USP47: variants seen among roughly 807,000 people sequenced by gnomAD.
USP47 encodes the protein ubiquitin carboxyl-terminal hydrolase 47.
USP47 carries 35 observed loss-of-function variants against 165.1 expected under a neutral mutation model. The observed-to-expected ratio is 0.21, with a 90% CI of 0.16 to 0.28. USP47 has a LOEUF of 0.28. USP47 is among the 10% of genes least tolerant of loss of function. The probability of loss-of-function intolerance (pLI) is 1.00; values close to 1 mark genes in which losing one functional copy is unlikely to be tolerated. For missense variants in USP47, 1,277 were observed against 1,607.4 expected (o/e 0.79, Z 3.52); for synonymous variants, 531 against 544.5 (o/e 0.98, Z 0.35).
chr11:11,854,172 G>T (rs376338366), intron 1 of USP47, among the ~76,000 whole-genome samples: 1 of 144,330 alleles, frequency 6.9e-6, no homozygotes. Flanking sequence ...AACCAGCAAA[G>T]TCCAGCCTGA....
intron 1 of USP47, among the ~76,000 whole-genome samples, chr11:11,876,957 C>G (rs1198760966): frequency 4.6e-5 from 7 of 152,098 alleles, no homozygotes; most frequent in Non-Finnish European, 1.0e-4. Flanking sequence ...TAATCCACCT[C>G]AAGACGTAAT....
chr11:11,903,130 T>G, intron 6 of USP47, 133 bp from the exon 7 acceptor site: 2 of 878,478 alleles, frequency 2.3e-6, no homozygotes, highest in Non-Finnish European at 3.4e-6. Flanking sequence ...TCATGTATAT[T>G]CTTATGTTCT....
intron 4 of USP47, among the ~76,000 whole-genome samples, chr11:11,897,069 T>C (rs577325064): frequency 3.1e-4 from 46 of 150,136 alleles, no homozygotes; most frequent in Non-Finnish European, 4.4e-4. Flanking sequence ...CTTTTGTGAG[T>C]TTGCATGTAG....
At chr11:11,928,173 A>G (rs767293856) in intron 11 of USP47, among the ~76,000 whole-genome samples, 3 of 152,056 alleles carry the variant, frequency 2.0e-5, no homozygotes, top group Admixed American at 6.6e-5. Flanking sequence ...TAAGATATTC[A>G]TATCATTCAG....
At position 11,958,432 on chromosome 11, in the gene USP47, A is replaced by T. The variant is rs925323590; in HGVS notation, c.*2257A>T. ...CACTTTAATAATTTCAATAAAAGCT[A>T]ATCTGTGTCAGCCTCCCTCTGCTTC... On this transcript the variant is annotated 3_prime_UTR_variant, in exon 28 of 28. Transcript: ENST00000527733. 1 of 152,250 alleles carries T rather than the reference A, an allele frequency of 6.6e-6. No homozygotes were observed. The highest frequency in any genetic ancestry group is 2.4e-5 in the African/African-American group (1 of 41,464). 9.4% of individuals were successfully genotyped at this position (152,250 alleles called of 1,614,324 possible).
intron 14 of USP47, among the ~76,000 whole-genome samples, chr11:11,931,898 A>G (rs574246185): frequency 8.4e-4 from 128 of 152,316 alleles, no homozygotes; most frequent in African/African-American, 3.0e-3. Context: ...ATGTGAGTCT[A>G]TAGTAATGAT....
At chr11:11,864,361 A>T (rs1004562176) in intron 1 of USP47, among the ~76,000 whole-genome samples, 2 of 152,142 alleles carry the variant, frequency 1.3e-5, no homozygotes, top group East Asian at 1.9e-4. Flanking sequence ...TTATTTTTTT[A>T]AATTGTAAAA....
rs79989411 is a variant in USP47 at position 11,929,973 on chromosome 11, T to A, written c.1519-71T>A. The A allele has an allele frequency of 8.9e-4, 1,084 of 1,214,090 alleles. 10 individuals are homozygous for A. The African/African-American group carries it at 0.014, about 15-fold the overall frequency. The allele number at this position is 1,214,090 out of a possible 1,614,324, so 75.2% of individuals were successfully genotyped here. A position where few individuals can be genotyped will look rare whatever the true frequency, so the allele number is the denominator to read the frequency against. On this transcript the variant is annotated intron_variant, in intron 12 of 27. Coordinates refer to ENST00000527733, the MANE Select transcript of USP47 (RefSeq NM_001282659.2). ...AGCATTTAACTCTGAGGCTAAAGAT[T>A]GAGTTACATATTGACGTTAATGTGA...
intron 8 of USP47, among the ~76,000 whole-genome samples, chr11:11,913,583 G>A (rs78450015): frequency 0.032 from 4,891 of 152,060 alleles, 261 homozygotes; most frequent in African/African-American, 0.11. Flanking sequence ...AAGGTAGAGA[G>A]TAGAATGGTA....
At chr11:11,874,693 G>A (rs528952936) in intron 1 of USP47, among the ~76,000 whole-genome samples, 1 of 152,006 alleles carries the variant, frequency 6.6e-6, no homozygotes, top group Admixed American at 6.6e-5. Flanking sequence ...CGGAGTAGCT[G>A]GGATTACAGG....
intron 1 of USP47, among the ~76,000 whole-genome samples, chr11:11,855,496 G>A (rs1223384301): frequency 6.6e-6 from 1 of 152,148 alleles, no homozygotes; most frequent in African/African-American, 2.4e-5. Flanking sequence ...ATTAAATAAA[G>A]TGACTTTCTA....
chr11:11,892,792 GTGAT>G (rs1564867773), intron 4 of USP47, among the ~76,000 whole-genome samples: 3 of 144,460 alleles, frequency 2.1e-5, no homozygotes, highest in African/African-American at 7.8e-5. Context: ...CTCAGCTTGG[GTGAT>G]TGATTGAGAC....
chr11:11,923,745 T>G (rs1278129521), intron 11 of USP47, among the ~76,000 whole-genome samples: 1 of 152,238 alleles, frequency 6.6e-6, no homozygotes, highest in Non-Finnish European at 1.5e-5. Flanking sequence ...CCAAGGCCAT[T>G]CTTCTAATTA....
intron 18 of USP47, among the ~76,000 whole-genome samples, chr11:11,938,686 A>G (rs1855251130): frequency 2.0e-5 from 3 of 152,032 alleles, no homozygotes; most frequent in African/African-American, 4.8e-5. Flanking sequence ...TTTTTGGCGT[A>G]GGCAATAAGT....
intron 1 of USP47, among the ~76,000 whole-genome samples, chr11:11,846,674 T>G (rs1399537153): frequency 2.0e-5 from 3 of 152,170 alleles, no homozygotes; most frequent in African/African-American, 7.2e-5. Flanking sequence ...CATTTGAGCT[T>G]CACAGCAACC....
intron 1 of USP47, among the ~76,000 whole-genome samples, chr11:11,855,814 T>G (rs1849005522): frequency 6.6e-6 from 1 of 152,198 alleles, no homozygotes; most frequent in Non-Finnish European, 1.5e-5. Context: ...AAACATTGAG[T>G]TAGTAGCTGC....
At chr11:11,923,018 T>C (rs1283135565) in intron 11 of USP47, 127 bp downstream of exon 11, 1 of 418,506 alleles carries the variant, frequency 2.4e-6, no homozygotes, top group South Asian at 3.9e-5. Context: ...AAGTTAAGAC[T>C]TCTCAAATAT....
intron 1 of USP47, among the ~76,000 whole-genome samples, chr11:11,859,428 T>C (rs1206877371): frequency 2.0e-5 from 3 of 152,218 alleles, no homozygotes; most frequent in Admixed American, 1.3e-4. Context: ...TTAACCTTTC[T>C]GGTATTTTTC....
intron 8 of USP47, among the ~76,000 whole-genome samples, chr11:11,915,082 T>C (rs1346576974): frequency 6.6e-6 from 1 of 152,220 alleles, no homozygotes; most frequent in African/African-American, 2.4e-5. Flanking sequence ...TCAGCCCATA[T>C]CTGCTTCAGT....
Sources: gnomAD v4.1 joint callset for allele counts (sites outside exome capture counted in the v4.1 genomes callset) on GRCh38, gnomAD v4.1.1 for gene constraint, MANE v1.5 for transcripts, NCBI Gene and HGNC (gene_info 2026-07-23, HGNC 2026-07-21) for gene names.